The following DPYD variants were observed in gnomAD, a reference collection of about 807,000 sequenced individuals.
The protein encoded by DPYD is dihydropyrimidine dehydrogenase [NADP(+)].
In DPYD, 109 loss-of-function variants were observed where a neutral mutation model predicts 116.2. That is an observed-to-expected ratio of 0.94 (90% CI 0.80 to 1.10). The LOEUF (loss-of-function observed/expected upper bound fraction) is 1.10. DPYD is among the 50% of genes least tolerant of loss of function. The probability of loss-of-function intolerance (pLI) is 0.00; values close to 1 mark genes in which losing one functional copy is unlikely to be tolerated. For synonymous variants in DPYD, 440 were observed against 432.0 expected (o/e 1.02, Z -0.23); for missense variants, 1,302 against 1,254.5 (o/e 1.04, Z -0.57).
chr1:97,857,904 T>C (rs1296221899), intron 2 of DPYD, among the ~76,000 whole-genome samples: 1 of 151,900 alleles, frequency 6.6e-6, no homozygotes, highest in Non-Finnish European at 1.5e-5. Flanking sequence ...ATAATGTTAG[T>C]CTGACTAGGA....
chr1:97,440,276 A>C (rs1271751077), intron 14 of DPYD, among the ~76,000 whole-genome samples: 1 of 152,066 alleles, frequency 6.6e-6, no homozygotes, highest in Non-Finnish European at 1.5e-5. Context: ...AAAAAAAAAA[A>C]AAAAATCCAA....
At chr1:97,386,136 C>T (rs184184028) in intron 14 of DPYD, among the ~76,000 whole-genome samples, 1 of 152,226 alleles carries the variant, frequency 6.6e-6, no homozygotes, top group East Asian at 1.9e-4. Context: ...CAGCCAAGCA[C>T]TACCCTGTTC....
intron 14 of DPYD, among the ~76,000 whole-genome samples, chr1:97,383,531 C>T (rs935751624): frequency 4.6e-5 from 7 of 151,558 alleles, no homozygotes; most frequent in Admixed American, 6.6e-5. Context: ...AAAGAAATTG[C>T]TAAGACTTAC....
At chr1:97,913,846 G>A (rs1030856789) in intron 1 of DPYD, among the ~76,000 whole-genome samples, 20 of 151,696 alleles carry the variant, frequency 1.3e-4, no homozygotes, top group African/African-American at 4.4e-4. Context: ...AATAAAACAT[G>A]GGGGGGAGGA....
chr1:97,142,992 A>G (rs1373011605), intron 20 of DPYD, among the ~76,000 whole-genome samples: 1 of 152,068 alleles, frequency 6.6e-6, no homozygotes, highest in Non-Finnish European at 1.5e-5. Context: ...AGAAAGAAAA[A>G]TTACCAAGAA....
chr1:97,121,403 T>C (rs550011218), intron 20 of DPYD, among the ~76,000 whole-genome samples: 14 of 152,302 alleles, frequency 9.2e-5, no homozygotes, highest in Admixed American at 2.0e-4. Flanking sequence ...TATCACTTTA[T>C]AATTTACTTA....
At chr1:97,215,663 A>G (rs2101880745) in intron 19 of DPYD, among the ~76,000 whole-genome samples, 1 of 152,292 alleles carries the variant, frequency 6.6e-6, no homozygotes, top group African/African-American at 2.4e-5. Flanking sequence ...GGGCACTTGT[A>G]GTTTCATCCT....
chr1:97,096,073 A>G (rs1650226510), intron 21 of DPYD: 1 of 152,204 alleles, frequency 6.6e-6, no homozygotes, highest in Non-Finnish European at 1.5e-5. Flanking sequence ...AAGTAAGACA[A>G]CTTAGGAGAG....
At chr1:97,779,510 C>T (rs1157545660) in intron 3 of DPYD, among the ~76,000 whole-genome samples, 2 of 152,056 alleles carry the variant, frequency 1.3e-5, no homozygotes, top group Non-Finnish European at 2.9e-5. Flanking sequence ...ATATAACCCT[C>T]TTTTTGAGTA....
chr1:97,628,710 GC>G (rs1181381867), intron 8 of DPYD, among the ~76,000 whole-genome samples: 2 of 151,408 alleles, frequency 1.3e-5, no homozygotes, highest in East Asian at 3.9e-4. Flanking sequence ...ATGCATACAT[GC>G]AAAAAAAAAG....
chr1:97,260,170 T>A (rs1663787159), intron 18 of DPYD, among the ~76,000 whole-genome samples: 2 of 152,122 alleles, frequency 1.3e-5, no homozygotes, highest in South Asian at 4.1e-4. Flanking sequence ...GAATGGCACT[T>A]GCTTGTAAAA....
At chr1:97,357,675 C>T in intron 16 of DPYD, among the ~76,000 whole-genome samples, 1 of 152,162 alleles carries the variant, frequency 6.6e-6, no homozygotes, top group Non-Finnish European at 1.5e-5. Flanking sequence ...TTTATCATAC[C>T]TTAACCCTTT....
At chr1:97,228,137 C>G (rs991845554) in intron 19 of DPYD, among the ~76,000 whole-genome samples, 3 of 149,012 alleles carry the variant, frequency 2.0e-5, no homozygotes, top group African/African-American at 5.1e-5. Flanking sequence ...AGGTAACAGA[C>G]TTTAGTTGTT....
In DPYD at chr1:97,662,015, T is replaced by TA. The variant is rs1431520285; in HGVS notation, c.850+17079dup. On this transcript the variant is annotated intron_variant, in intron 8 of 22. Coordinates refer to ENST00000370192, the MANE Select transcript of DPYD (RefSeq NM_000110.4). ...CTTTTTTTTTTTTTTTTTTTTTTTT[T>TA]ACGGAGTCTCGCTCCGTCGCCCAGG... is the stretch of plus-strand genomic sequence containing the variant. Among the ~76,000 whole-genome samples the TA allele has an allele frequency of 9.3e-4, 133 of 142,992 alleles. 1 individual carries two copies. Among genetic ancestry groups the TA allele is most frequent in the South Asian group, 2.7e-3 (12 of 4,506 alleles). The allele number at this position is 142,992 out of a possible 152,430, so 93.8% of individuals were successfully genotyped here.
intron 18 of DPYD, among the ~76,000 whole-genome samples, chr1:97,292,147 G>T (rs1349594733): frequency 1.3e-5 from 2 of 152,032 alleles, no homozygotes; most frequent in Non-Finnish European, 1.5e-5. Context: ...CTAATTCCAA[G>T]AATCTGTGTA....
intron 14 of DPYD, among the ~76,000 whole-genome samples, chr1:97,418,519 C>T (rs1168121307): frequency 1.3e-5 from 2 of 151,964 alleles, no homozygotes; most frequent in Non-Finnish European, 2.9e-5. Context: ...AGACTGGTTT[C>T]GAACTCCTGA....
chr1:97,800,394 T>C (rs936237224), intron 3 of DPYD, among the ~76,000 whole-genome samples: 1 of 151,928 alleles, frequency 6.6e-6, no homozygotes, highest in African/African-American at 2.4e-5. Context: ...TAAGTCTAGA[T>C]GAAAATATCC....
At chr1:97,852,393 C>T (rs4970718) in intron 2 of DPYD, among the ~76,000 whole-genome samples, 148,349 of 152,136 alleles carry the variant, frequency 0.98, 72,446 homozygotes, top group Middle Eastern at 1. Flanking sequence ...AATGAGGAAA[C>T]TGAGGACTAG....
At chr1:97,869,156 A>G (rs1414669340) in intron 2 of DPYD, among the ~76,000 whole-genome samples, 1 of 151,766 alleles carries the variant, frequency 6.6e-6, no homozygotes, top group Non-Finnish European at 1.5e-5. Context: ...CTTGTCATAG[A>G]TATCTAGGAG....
Sources: allele counts gnomAD v4.1 joint callset (sites outside exome capture counted in the v4.1 genomes callset), GRCh38; gene constraint gnomAD v4.1.1; transcripts MANE v1.5; gene names NCBI Gene and HGNC (gene_info 2026-07-23, HGNC 2026-07-21).